Variants in LRRC4C observed in about 807,000 individuals in gnomAD.
LRRC4C encodes leucine rich repeat containing 4C.
A neutral mutation model predicts 33.6 loss-of-function variants in LRRC4C; 5 were observed. That is an observed-to-expected ratio of 0.15 (90% CI 0.08 to 0.31). The LOEUF (loss-of-function observed/expected upper bound fraction) is 0.31, where lower values mean the gene tolerates loss of function less well. Among genes scored for constraint, LRRC4C ranks in the 10% least tolerant of loss-of-function variants. The pLI, the probability that LRRC4C is intolerant of heterozygous loss-of-function variation, is 1.00. For synonymous variants in LRRC4C, 329 were observed against 302.0 expected, an observed-to-expected ratio of 1.09 and a Z score of -0.93; for missense variants, 560 against 796.7, an observed-to-expected ratio of 0.70 and a Z score of 3.58.
Position 40,190,203 on chromosome 11 carries a change from G to A in LRRC4C, c.-95-49350C>T, listed in dbSNP as rs537721488. ...AAAATGGGAGAATCTAGAGGCGAGTGAATTTAAGAACTCTGAACCAAGCCA... is the reference window on the plus strand; with the variant it reads ...AAAATGGGAGAATCTAGAGGCGAGTAAATTTAAGAACTCTGAACCAAGCCA... On this transcript the variant is annotated intron_variant, in intron 5 of 6. Coordinates refer to ENST00000528697, the MANE Select transcript of LRRC4C (RefSeq NM_001258419.2). Among the ~76,000 whole-genome samples, 7 of 152,320 alleles carry A rather than the reference G, an allele frequency of 4.6e-5. No homozygotes were observed. In the East Asian group the frequency reaches 1.3e-3, roughly 29 times the overall value.
intron 3 of LRRC4C, among the ~76,000 whole-genome samples, chr11:40,372,540 G>A (rs900887586): frequency 2.6e-5 from 4 of 152,124 alleles, no homozygotes; most frequent in South Asian, 2.1e-4. Context: ...ATACATCAGC[G>A]AATTCTCTTT....
intron 2 of LRRC4C, among the ~76,000 whole-genome samples, chr11:40,923,262 C>T (rs766073782): frequency 1.3e-5 from 2 of 152,124 alleles, no homozygotes; most frequent in African/African-American, 4.8e-5. Flanking sequence ...AATGGTGTTG[C>T]CATATTTTCC....
At chr11:41,000,089 A>C (rs532222765) in intron 1 of LRRC4C, among the ~76,000 whole-genome samples, 69 of 152,180 alleles carry the variant, frequency 4.5e-4, no homozygotes, top group Non-Finnish European at 8.7e-4. Flanking sequence ...CAATTAAAAA[A>C]ATTATTCTGT....
intron 1 of LRRC4C, among the ~76,000 whole-genome samples, chr11:41,178,042 C>T (rs1330083080): frequency 2.0e-5 from 3 of 152,122 alleles, no homozygotes; most frequent in African/African-American, 7.2e-5. Context: ...TAGTGCATGA[C>T]AGGGCTCAGT....
intron 3 of LRRC4C, among the ~76,000 whole-genome samples, chr11:40,559,676 C>T (rs765550796): frequency 1.3e-5 from 2 of 152,052 alleles, no homozygotes; most frequent in East Asian, 3.9e-4. Context: ...CCTTAACAGC[C>T]TTCATTGTTT....
At chr11:40,461,045 G>A (rs1302785774) in intron 3 of LRRC4C, among the ~76,000 whole-genome samples, 2 of 152,076 alleles carry the variant, frequency 1.3e-5, no homozygotes, top group Admixed American at 6.6e-5. Context: ...GCAATTAAAT[G>A]CCCAAGCCTA....
At chr11:40,507,059 A>G (rs896099375) in intron 3 of LRRC4C, among the ~76,000 whole-genome samples, 1 of 152,138 alleles carries the variant, frequency 6.6e-6, no homozygotes, top group Non-Finnish European at 1.5e-5. Context: ...AAAATAAAAG[A>G]TACAAAAAAC....
At chr11:41,289,353 C>A (rs1431519251) in intron 1 of LRRC4C, among the ~76,000 whole-genome samples, 5 of 152,032 alleles carry the variant, frequency 3.3e-5, no homozygotes, top group Non-Finnish European at 5.9e-5. Flanking sequence ...TATACTGTAA[C>A]CTTTAAAGAA....
chr11:40,947,607 T>C (rs1011493145), intron 1 of LRRC4C, among the ~76,000 whole-genome samples: 4 of 152,130 alleles, frequency 2.6e-5, no homozygotes, highest in African/African-American at 9.7e-5. Context: ...CAAGCCATAC[T>C]AGTTTCCTCA....
intron 5 of LRRC4C, among the ~76,000 whole-genome samples, chr11:40,166,234 A>G (rs544728927): frequency 6.6e-6 from 1 of 152,310 alleles, no homozygotes; most frequent in South Asian, 2.1e-4. Context: ...CATTCAATGA[A>G]CAGATACACT....
At position 41,437,964 on chromosome 11, in the gene LRRC4C, T is replaced by A. The variant is rs113279430; in HGVS notation, c.-496+21467A>T. 5.6e-3 allele frequency among the ~76,000 whole-genome samples: 856 copies of A among 151,982 alleles called. 9 individuals are homozygous for A. The highest frequency in any genetic ancestry group is 7.4e-3 in the Non-Finnish European group (504 of 67,994). ...GAGGAAGGAGAATAACTTGAACCTG[T>A]GAGCTGGAAGCTGCAGTGAGCTGAG... On this transcript the variant is annotated intron_variant, in intron 1 of 6. Transcript: ENST00000528697.
intron 1 of LRRC4C, among the ~76,000 whole-genome samples, chr11:41,332,572 C>T (rs1353444533): frequency 6.6e-6 from 1 of 152,182 alleles, no homozygotes. Context: ...ATACACTAAA[C>T]TCTTTTCTTG....
At chr11:41,201,944 A>G (rs1057216670) in intron 1 of LRRC4C, among the ~76,000 whole-genome samples, 1 of 150,434 alleles carries the variant, frequency 6.6e-6, no homozygotes, top group Non-Finnish European at 1.5e-5. Context: ...ACACACACAC[A>G]CAAGTCCAGC....
At chr11:40,743,049 A>G (rs1373674509) in intron 2 of LRRC4C, among the ~76,000 whole-genome samples, 1 of 152,088 alleles carries the variant, frequency 6.6e-6, no homozygotes, top group African/African-American at 2.4e-5. Flanking sequence ...TTTAATGACA[A>G]TTAAGCCCCT....
intron 1 of LRRC4C, among the ~76,000 whole-genome samples, chr11:41,163,885 T>C (rs1944596280): frequency 6.6e-6 from 1 of 152,210 alleles, no homozygotes; most frequent in African/African-American, 2.4e-5. Flanking sequence ...GTGCTGAGAT[T>C]ACAGGCATGA....
chr11:41,179,650 T>C (rs1388252027), intron 1 of LRRC4C, among the ~76,000 whole-genome samples: 1 of 152,222 alleles, frequency 6.6e-6, no homozygotes, highest in Non-Finnish European at 1.5e-5. Context: ...TTACAAACCA[T>C]TTATGAGTTC....
intron 2 of LRRC4C, among the ~76,000 whole-genome samples, chr11:40,865,400 A>G (rs950506064): frequency 6.6e-6 from 1 of 151,980 alleles, no homozygotes; most frequent in Non-Finnish European, 1.5e-5. Context: ...ATGACAATAT[A>G]TTTGTTCTTG....
intron 2 of LRRC4C, among the ~76,000 whole-genome samples, chr11:40,913,317 T>C (rs1956784781): frequency 6.6e-6 from 1 of 151,992 alleles, no homozygotes; most frequent in Non-Finnish European, 1.5e-5. Flanking sequence ...CCTCAGCAAA[T>C]GTAAAAGAAA....
chr11:40,612,913 G>A (rs752884696), intron 3 of LRRC4C, among the ~76,000 whole-genome samples: 5 of 151,844 alleles, frequency 3.3e-5, no homozygotes, highest in African/African-American at 9.7e-5. Context: ...GTTATATTTA[G>A]ACTATATAGT....
Sources: gnomAD v4.1 joint callset for allele counts (sites outside exome capture counted in the v4.1 genomes callset) on GRCh38, gnomAD v4.1.1 for gene constraint, MANE v1.5 for transcripts, NCBI Gene and HGNC (gene_info 2026-07-23, HGNC 2026-07-21) for gene names.